Variants in HECTD4 observed in about 807,000 individuals in gnomAD.
HECTD4 encodes the protein HECT domain E3 ubiquitin protein ligase 4, also known as probable E3 ubiquitin-protein ligase HECTD4.
A neutral mutation model predicts 471.5 loss-of-function variants in HECTD4; 114 were observed. That is an observed-to-expected ratio of 0.24 (90% CI 0.21 to 0.28). The LOEUF is 0.28. Among genes scored for constraint, HECTD4 ranks in the 10% least tolerant of loss-of-function variants. The pLI is 1.00. For missense variants in HECTD4, 3,866 were observed against 5,651.5 expected (o/e 0.68, Z 10.13); for synonymous variants, 2,012 against 2,256.0 (o/e 0.89, Z 3.07).
chr12:112,222,247 G>C (rs1213863368), intron 44 of HECTD4, among the ~76,000 whole-genome samples: 4 of 151,886 alleles, frequency 2.6e-5, no homozygotes, highest in African/African-American at 9.7e-5. Context: ...AGTAGAGATG[G>C]GGTTTCACCA....
chr12:112,265,320 CAAT>C, intron 15 of HECTD4, 25 bp from the exon 16 acceptor site: 2 of 1,432,626 alleles, frequency 1.4e-6, no homozygotes, highest in Admixed American at 2.0e-5. Context: ...AAAAATGTAA[CAAT>C]AAAATATTGA....
chr12:112,256,265 A>G, intron 21 of HECTD4, 55 bp downstream of exon 21: 1 of 1,251,332 alleles, frequency 8.0e-7, no homozygotes, highest in Non-Finnish European at 1.1e-6. Flanking sequence ...AATAAGAAGC[A>G]TCTAAGAATC....
chr12:112,212,868 T>C (rs2032804167), intron 48 of HECTD4, among the ~76,000 whole-genome samples: 1 of 152,188 alleles, frequency 6.6e-6, no homozygotes, highest in African/African-American at 2.4e-5. Context: ...CCATCTCGGC[T>C]CACTGCAACC....
chr12:112,222,132 C>T (rs963960411), intron 44 of HECTD4, among the ~76,000 whole-genome samples: 4 of 152,152 alleles, frequency 2.6e-5, no homozygotes, highest in South Asian at 2.1e-4. Flanking sequence ...CTATCTTGGC[C>T]AGGCAGTCTT....
At chr12:112,287,653 T>A (rs2034783226) in intron 7 of HECTD4, among the ~76,000 whole-genome samples, 1 of 152,038 alleles carries the variant, frequency 6.6e-6, no homozygotes, top group Non-Finnish European at 1.5e-5. Flanking sequence ...CTGGGTGCAG[T>A]GGCTCCCAGC....
chr12:112,177,844 T>C (rs2031512223), intron 64 of HECTD4, among the ~76,000 whole-genome samples: 1 of 152,220 alleles, frequency 6.6e-6, no homozygotes, highest in African/African-American at 2.4e-5. Flanking sequence ...GAAAGGGTTC[T>C]TCCCAAAAGC....
intron 34 of HECTD4, 108 bp from the exon 35 acceptor site, chr12:112,237,206 G>A: frequency 1.1e-6 from 1 of 951,674 alleles, no homozygotes; most frequent in Non-Finnish European, 1.5e-6. Context: ...AATGTTTCAT[G>A]AACCATCTAA....
At chr12:112,317,331 A>G (rs1355390195) in intron 2 of HECTD4, among the ~76,000 whole-genome samples, 1 of 152,244 alleles carries the variant, frequency 6.6e-6, no homozygotes, top group Non-Finnish European at 1.5e-5. Context: ...GAAACTTACA[A>G]TAAACACTGG....
Position 112,265,198 on chromosome 12 carries a change from GA to G in HECTD4, c.2595del (p.Gln866LysfsTer17). On this transcript the variant is annotated frameshift_variant, in exon 16 of 76. Coordinates refer to ENST00000682272, the MANE Select transcript of HECTD4 (RefSeq NM_001388303.1). LOFTEE classifies it high-confidence loss of function. ...TKCQTVSKDD[F>X]QKLLSTVPAA... ...ACAGGCACAGTTGAAAGGAGCTTTT[GA>G]AAATCATCTTTAGAGACAGTTTGGC... The G allele has an allele frequency of 6.2e-7, 1 of 1,603,352 alleles. No homozygotes were observed. The highest frequency in any genetic ancestry group is 8.5e-7 in the Non-Finnish European group (1 of 1,175,534).
rs745868527 is a variant in HECTD4, at chr12:112,239,278, C to T, written c.5106-42G>A. 3.9e-6 allele frequency: 6 copies of T among 1,532,032 alleles called. No homozygotes were observed. 94.9% of individuals were successfully genotyped at this position (1,532,032 alleles called of 1,614,324 possible). A position where few individuals can be genotyped will look rare whatever the true frequency, so the allele number is the denominator to read the frequency against. ...GATTACACTAGATAAACGTAACTGA[C>T]CGACACTCAGGAAACTCTCATGTGA... On this transcript the variant is annotated intron_variant, in intron 33 of 75. Coordinates refer to ENST00000682272, the MANE Select transcript of HECTD4 (RefSeq NM_001388303.1). This position sits in a 1 kb window ranked among gnomAD's most constrained non-coding sequence, Gnocchi z 4.9.
At chr12:112,365,184 T>A (rs1233046945) in intron 1 of HECTD4, among the ~76,000 whole-genome samples, 1 of 152,240 alleles carries the variant, frequency 6.6e-6, no homozygotes, top group East Asian at 1.9e-4. Flanking sequence ...TTAATTCTAG[T>A]ATTTTTAATT....
chr12:112,230,676 A>C lies in HECTD4; in HGVS notation c.6336+11T>G, dbSNP rs1385357066. On this transcript the variant is annotated intron_variant, in intron 40 of 75. Coordinates refer to ENST00000682272, the MANE Select transcript of HECTD4 (RefSeq NM_001388303.1). Reference sequence around the variant, plus strand: ...CTTATTTTCTCAGTTGAGTAGCAACACTGCGCTAACCTTCTCTGCTGTTGT... The same window carrying C: ...CTTATTTTCTCAGTTGAGTAGCAACCCTGCGCTAACCTTCTCTGCTGTTGT... 1 of 1,604,362 alleles carries C rather than the reference A, an allele frequency of 6.2e-7. No individual in the cohort carries two copies. Among genetic ancestry groups the C allele is most frequent in the South Asian group, 1.1e-5 (1 of 89,156 alleles).
At chr12:112,164,013 T>C in intron 73 of HECTD4, 96 bp downstream of exon 73, 1 of 1,260,796 alleles carries the variant, frequency 7.9e-7, no homozygotes, top group Non-Finnish European at 1.0e-6. Context: ...CTGACCTAGG[T>C]CCTCGTGTCA....
rs544904311 is a variant in HECTD4, at chr12:112,314,445, G to C, written c.785+12C>G. On this transcript the variant is annotated intron_variant, in intron 3 of 75. Coordinates refer to ENST00000682272, the MANE Select transcript of HECTD4 (RefSeq NM_001388303.1). ...TTTGGAAGGAGGGTAAGGATACAAA[G>C]TGACAACTTACCTATATAGCACATC... 3.7e-4 allele frequency: 519 copies of C among 1,420,552 alleles called. 2 individuals carry two copies. Among genetic ancestry groups the C allele is most frequent in the South Asian group, 8.5e-4 (69 of 81,362 alleles). 88.0% of individuals were successfully genotyped at this position (1,420,552 alleles called of 1,614,324 possible).
At chr12:112,377,856 A>C (rs73209619) in intron 1 of HECTD4, among the ~76,000 whole-genome samples, 1 of 152,164 alleles carries the variant, frequency 6.6e-6, no homozygotes, top group Non-Finnish European at 1.5e-5. Context: ...GGTAACAAGA[A>C]TAAAACTCGG....
chr12:112,217,064 A>G lies in HECTD4; in HGVS notation c.7206T>C (p.Phe2402=). 1 of 1,584,024 alleles carries G rather than the reference A, an allele frequency of 6.3e-7. No homozygotes were observed. The change falls in exon 46 of 76, where the codon TTT becomes TTC. Residue 2402 remains phenylalanine, a synonymous_variant. Transcript: ENST00000682272. ...SAGGGLPRGT[F]IYATSPLPVQ... is the part of the protein sequence containing the mutation. Reference sequence around the variant, plus strand: ...CTGGCAGTGGTGAAGTGGCATAGATAAAAGTGCCCCGGGGCAGGCCTCCCC... The same window carrying G: ...CTGGCAGTGGTGAAGTGGCATAGATGAAAGTGCCCCGGGGCAGGCCTCCCC...
chr12:112,298,754 C>T (rs1594023090), intron 7 of HECTD4, among the ~76,000 whole-genome samples: 1 of 151,670 alleles, frequency 6.6e-6, no homozygotes, highest in Non-Finnish European at 1.5e-5. Flanking sequence ...TGGTGGCGGG[C>T]GCCTGTAATC....
chr12:112,341,058 T>C (rs1387874090), intron 1 of HECTD4, among the ~76,000 whole-genome samples: 1 of 152,218 alleles, frequency 6.6e-6, no homozygotes, highest in Non-Finnish European at 1.5e-5. Flanking sequence ...TCTAAACTCT[T>C]GTCAGTATAG....
intron 69 of HECTD4, 121 bp from the exon 70 acceptor site, chr12:112,169,779 G>C (rs886579818): frequency 8.9e-7 from 1 of 1,128,940 alleles, no homozygotes; most frequent in Non-Finnish European, 1.3e-6. Flanking sequence ...TCCCTCGCTC[G>C]GCCCCCTGTG....
Sources: gnomAD v4.1 joint callset for allele counts (sites outside exome capture counted in the v4.1 genomes callset) on GRCh38, gnomAD v4.1.1 for gene constraint, Gnocchi (gnomAD v3.1) non-coding constraint, MANE v1.5 for transcripts, NCBI Gene and HGNC (gene_info 2026-07-23, HGNC 2026-07-21) for gene names.